Variants in MAN2A1 observed in about 807,000 individuals in gnomAD.
MAN2A1 encodes alpha-mannosidase 2.
A neutral mutation model predicts 142.6 loss-of-function variants in MAN2A1; 76 were observed. The ratio of observed to expected loss-of-function variants is 0.53; its 90% confidence interval spans 0.44 to 0.65. The LOEUF (loss-of-function observed/expected upper bound fraction) is 0.65, where lower values mean the gene tolerates loss of function less well. Ranked by LOEUF, MAN2A1 falls within the 30% of genes least tolerant of loss-of-function variation. The pLI is 0.00. For synonymous variants in MAN2A1, 559 were observed against 473.2 expected (o/e 1.18, Z -2.35); for missense variants, 1,311 against 1,365.1 (o/e 0.96, Z 0.62).
At chr5:109,692,867 T>G (rs781467380) in intron 1 of MAN2A1, among the ~76,000 whole-genome samples, 6 of 152,254 alleles carry the variant, frequency 3.9e-5, no homozygotes, top group Non-Finnish European at 8.8e-5. Context: ...CATCAGGCGT[T>G]AGATTCTCAT....
intron 1 of MAN2A1, among the ~76,000 whole-genome samples, chr5:109,711,058 C>T (rs1302452102): frequency 1.3e-5 from 2 of 151,950 alleles, no homozygotes; most frequent in Non-Finnish European, 2.9e-5. Flanking sequence ...GAGCTCCTGA[C>T]CAGGTGATCC....
At chr5:109,736,724 G>C (rs1467253853) in intron 4 of MAN2A1, among the ~76,000 whole-genome samples, 1 of 151,656 alleles carries the variant, frequency 6.6e-6, no homozygotes, top group Non-Finnish European at 1.5e-5. Context: ...TAATTTTGTT[G>C]GTTTTTGCCC....
At chr5:109,825,926 T>G (rs868052410) in intron 16 of MAN2A1, among the ~76,000 whole-genome samples, 594 of 121,598 alleles carry the variant, frequency 4.9e-3, no homozygotes, top group Non-Finnish European at 8.0e-3. Context: ...TTTTTTTTTT[T>G]GACAGAGTCT....
At chr5:109,753,225 A>G (rs1752594629) in intron 4 of MAN2A1, among the ~76,000 whole-genome samples, 2 of 152,266 alleles carry the variant, frequency 1.3e-5, no homozygotes, top group Admixed American at 6.5e-5. Context: ...GCTGCGAAGC[A>G]TAACGCATAA....
chr5:109,707,450 G>A (rs1240312251), intron 1 of MAN2A1, among the ~76,000 whole-genome samples: 1 of 152,064 alleles, frequency 6.6e-6, no homozygotes, highest in African/African-American at 2.4e-5. Flanking sequence ...GTAGGCATCA[G>A]GGTACAGTAC....
intron 12 of MAN2A1, chr5:109,804,162 A>C: frequency 1.0e-6 from 1 of 987,400 alleles, no homozygotes; most frequent in Non-Finnish European, 1.2e-6. Context: ...AGATTAATAA[A>C]GCGTGCACAA....
intron 16 of MAN2A1, among the ~76,000 whole-genome samples, chr5:109,837,155 A>G (rs921396771): frequency 1.3e-5 from 2 of 149,884 alleles, no homozygotes; most frequent in African/African-American, 2.5e-5. Flanking sequence ...GCTCACCATT[A>G]TGTACATCTC....
chr5:109,818,629 C>A (rs986610607), intron 13 of MAN2A1, among the ~76,000 whole-genome samples: 1 of 151,790 alleles, frequency 6.6e-6, no homozygotes, highest in East Asian at 1.9e-4. Flanking sequence ...TTTTATTAAC[C>A]GAAATATCAT....
intron 12 of MAN2A1, among the ~76,000 whole-genome samples, chr5:109,806,730 G>A (rs1272617519): frequency 1.3e-5 from 2 of 152,138 alleles, no homozygotes; most frequent in Non-Finnish European, 2.9e-5. Context: ...TCACTTAGTT[G>A]CCAACAGCAA....
At chr5:109,725,343 C>T (rs1176583160) in intron 3 of MAN2A1, among the ~76,000 whole-genome samples, 1 of 152,172 alleles carries the variant, frequency 6.6e-6, no homozygotes, top group African/African-American at 2.4e-5. Flanking sequence ...TCCTCCCAGG[C>T]CTGGCCCTGT....
chr5:109,799,522 A>G (rs1753957804), intron 12 of MAN2A1, among the ~76,000 whole-genome samples: 2 of 152,232 alleles, frequency 1.3e-5, no homozygotes, highest in Non-Finnish European at 2.9e-5. Flanking sequence ...TGGGAGGCCA[A>G]GGCGGGCAGA....
chr5:109,690,271 C>T lies in MAN2A1; in HGVS notation c.-147C>T, dbSNP rs1750625833. 3.9e-6 allele frequency: 3 copies of T among 760,344 alleles called. No individual in the cohort carries two copies. The highest frequency in any genetic ancestry group is 3.2e-5 in the South Asian group (2 of 61,776). The allele number at this position is 760,344 out of a possible 1,614,324, so 47.1% of individuals were successfully genotyped here. On this transcript the variant is annotated 5_prime_UTR_variant, in exon 1 of 22. Transcript: ENST00000261483. ...GTGGCGCCGGAGACTAGGTGCGGAGCAAGGCGGGGACTCGCACCCGCATCC... is the reference window on the plus strand; with the variant it reads ...GTGGCGCCGGAGACTAGGTGCGGAGTAAGGCGGGGACTCGCACCCGCATCC...
At chr5:109,855,390 AG>A (rs1755582454) in intron 20 of MAN2A1, 56 bp downstream of exon 20, 1 of 1,154,930 alleles carries the variant, frequency 8.7e-7, no homozygotes. Flanking sequence ...ACTTGTTTTA[AG>A]GGGGTAAGGA....
chr5:109,749,461 TACCA>T (rs1752491096), intron 4 of MAN2A1, among the ~76,000 whole-genome samples: 1 of 152,162 alleles, frequency 6.6e-6, no homozygotes, highest in African/African-American at 2.4e-5. Flanking sequence ...TAATGTCTTT[TACCA>T]TTAGTTACAA....
At chr5:109,709,204 A>G (rs1038263820) in intron 1 of MAN2A1, among the ~76,000 whole-genome samples, 2 of 152,220 alleles carry the variant, frequency 1.3e-5, no homozygotes, top group African/African-American at 2.4e-5. Flanking sequence ...TATATAGCAT[A>G]TAATAAATAT....
chr5:109,849,790 A>G (rs1755437989), intron 19 of MAN2A1, among the ~76,000 whole-genome samples: 1 of 151,862 alleles, frequency 6.6e-6, no homozygotes, highest in Non-Finnish European at 1.5e-5. Flanking sequence ...TATCAGTATA[A>G]AAGTCAAAAT....
intron 2 of MAN2A1, among the ~76,000 whole-genome samples, chr5:109,715,210 T>C (rs561334488): frequency 6.6e-6 from 1 of 152,102 alleles, no homozygotes; most frequent in South Asian, 2.1e-4. Context: ...TTTTATTTAT[T>C]AAACTCATAT....
rs532976631 is a variant in MAN2A1 at position 109,798,721 on chromosome 5, G to A, written c.1943+9194G>A. On this transcript the variant is annotated intron_variant, in intron 12 of 21. Coordinates refer to ENST00000261483, the MANE Select transcript of MAN2A1 (RefSeq NM_002372.4). Reference sequence around the variant, plus strand: ...TTTTGAGATGGAGTATCGCTCTGTCGCCCAGGCTGGAGTGCAGTGGCACAA... The same window carrying A: ...TTTTGAGATGGAGTATCGCTCTGTCACCCAGGCTGGAGTGCAGTGGCACAA... Among the ~76,000 whole-genome samples, 5 of 152,010 alleles carry A rather than the reference G, an allele frequency of 3.3e-5. No homozygotes were observed. In the East Asian group the frequency reaches 7.7e-4, roughly 24 times the overall value.
At chr5:109,775,626 C>G (rs113689198) in intron 8 of MAN2A1, among the ~76,000 whole-genome samples, 2,820 of 152,104 alleles carry the variant, frequency 0.019, 34 homozygotes, top group Middle Eastern at 0.071. Context: ...ACACTGCTGT[C>G]TCACTCCTCC....
Sources: gnomAD v4.1 joint callset for allele counts (sites outside exome capture counted in the v4.1 genomes callset) on GRCh38, gnomAD v4.1.1 for gene constraint, MANE v1.5 for transcripts, NCBI Gene and HGNC (gene_info 2026-07-23, HGNC 2026-07-21) for gene names.